The following ELFN1 variants were observed in gnomAD, a reference collection of about 807,000 sequenced individuals.
The protein encoded by ELFN1 is extracellular leucine rich repeat and fibronectin type III domain containing 1.
Under a neutral mutation model 7.6 loss-of-function variants are expected in ELFN1, and 6 were observed. The observed-to-expected ratio is 0.79, with a 90% confidence interval of 0.43 to 1.56. ELFN1 has a LOEUF of 1.56. ELFN1 is among the 40% of genes most tolerant of loss of function. The pLI is 0.01. For synonymous variants in ELFN1, 657 were observed against 588.1 expected (o/e 1.12, Z -1.70); for missense variants, 1,169 against 1,232.2 (o/e 0.95, Z 0.77).
At chr7:1,741,941 T>A (rs1419548130) in intron 3 of ELFN1, among the ~76,000 whole-genome samples, 1 of 152,060 alleles carries the variant, frequency 6.6e-6, no homozygotes, top group African/African-American at 2.4e-5. Context: ...ACCTGCCCTG[T>A]GTACACACCT....
rs1468772796 is a variant in ELFN1, at chr7:1,705,195, G to A, written c.-455-3896G>A. On this transcript the variant is annotated intron_variant, in intron 2 of 3. Transcript: ENST00000424383. The surrounding 1 kb of genome is among the most constrained non-coding windows in gnomAD (Gnocchi z 4.3). ...GGTGGGCAGCATGGAGGTGCAGGGT[G>A]GCAGGGACCCTGGGCGGGGCGGCAC... is the stretch of plus-strand genomic sequence containing the variant. 6.6e-6 allele frequency among the ~76,000 whole-genome samples: 1 copy of A among 152,188 alleles called. No individual in the cohort carries two copies. Among genetic ancestry groups the A allele is most frequent in the Non-Finnish European group, 1.5e-5 (1 of 68,022 alleles).
intron 3 of ELFN1, chr7:1,738,620 G>T (rs1373043581): frequency 6.6e-6 from 1 of 152,018 alleles, no homozygotes; most frequent in African/African-American, 2.4e-5. Context: ...AGTACAAAAG[G>T]AAGTTAATGT....
chr7:1,691,737 G>T (rs907640156), intron 2 of ELFN1, among the ~76,000 whole-genome samples: 2 of 152,184 alleles, frequency 1.3e-5, no homozygotes, highest in East Asian at 3.9e-4. Flanking sequence ...GTGAACCATG[G>T]CCTCCCTGTG....
At chr7:1,723,442 G>C (rs1780085793) in intron 3 of ELFN1, among the ~76,000 whole-genome samples, 1 of 152,216 alleles carries the variant, frequency 6.6e-6, no homozygotes, top group Admixed American at 6.5e-5. Flanking sequence ...TTGCTTGTTG[G>C]CTGGGAGGCG....
chr7:1,682,774 G>C (rs921341667), intron 1 of ELFN1, among the ~76,000 whole-genome samples: 3 of 152,136 alleles, frequency 2.0e-5, no homozygotes, highest in African/African-American at 7.2e-5. Flanking sequence ...TTGAATAGCA[G>C]AGGTGCTTTG....
rs542800579 is a variant in ELFN1 at position 1,685,064 on chromosome 7, C to G, written c.-548-2994C>G. 1.5e-3 allele frequency among the ~76,000 whole-genome samples: 225 copies of G among 152,288 alleles called. 1 individual carries two copies. The highest frequency in any genetic ancestry group is 2.5e-3 in the Non-Finnish European group (169 of 68,006). On this transcript the variant is annotated intron_variant, in intron 1 of 3. Coordinates refer to ENST00000424383, the MANE Select transcript of ELFN1 (RefSeq NM_001128636.4). ...CTAGCCCCAGATTCTTTCAGTTTCT[C>G]TTGATCTGTAATGTTTTTAGTTTGC... is the stretch of plus-strand genomic sequence containing the variant.
intron 3 of ELFN1, among the ~76,000 whole-genome samples, chr7:1,722,157 C>T (rs1252965542): frequency 6.6e-6 from 1 of 152,076 alleles, no homozygotes; most frequent in African/African-American, 2.4e-5. Flanking sequence ...AGTACAGGTG[C>T]TTGGCCCTAC....
chr7:1,682,603 G>C (rs892890083), intron 1 of ELFN1, among the ~76,000 whole-genome samples: 11 of 93,622 alleles, frequency 1.2e-4, no homozygotes, highest in African/African-American at 4.9e-4. Flanking sequence ...ATCATGCCAG[G>C]ATAAATTTTT....
intron 1 of ELFN1, among the ~76,000 whole-genome samples, chr7:1,675,479 A>G (rs1311646270): frequency 6.6e-6 from 1 of 152,216 alleles, no homozygotes; most frequent in Non-Finnish European, 1.5e-5. Flanking sequence ...GTGTTTACCG[A>G]CAGATCCGAG....
Position 1,735,993 on chromosome 7 carries a change from C to T in ELFN1, c.-293-8311C>T, listed in dbSNP as rs1346027891. ...AGAGCCAACACCATCTCCTGGCCCACGATGGTTCTGTGTCCCCTGACGCAG... is the reference window on the plus strand; with the variant it reads ...AGAGCCAACACCATCTCCTGGCCCATGATGGTTCTGTGTCCCCTGACGCAG... On this transcript the variant is annotated intron_variant, in intron 3 of 3. Transcript: ENST00000424383. The surrounding 1 kb of genome is among the most constrained non-coding windows in gnomAD (Gnocchi z 5.9). 1.3e-5 allele frequency among the ~76,000 whole-genome samples: 2 copies of T among 152,146 alleles called. No homozygotes were observed. The highest frequency in any genetic ancestry group is 1.3e-4 in the Admixed American group (2 of 15,278).
rs1028109225 is a variant in ELFN1 at position 1,745,229 on chromosome 7, C to T, written c.633C>T (p.Ala211=). 2 of 1,541,888 alleles carry T rather than the reference C, an allele frequency of 1.3e-6. No individual in the cohort carries two copies. Among genetic ancestry groups the T allele is most frequent in the Non-Finnish European group, 1.7e-6 (2 of 1,146,892 alleles). Residue 211 remains alanine (A), a synonymous_variant, in exon 4 of 4, where the codon GCC becomes GCT. Transcript: ENST00000424383. ...FLRWLAAFTN[A]TQTYDRMQCE... ...GCTGGCTGGCCGCCTTCACCAACGC[C>T]ACACAGACGTACGACCGCATGCAGT...
chr7:1,725,647 A>T (rs1208891039), intron 3 of ELFN1, among the ~76,000 whole-genome samples: 1 of 152,080 alleles, frequency 6.6e-6, no homozygotes, highest in Non-Finnish European at 1.5e-5. Flanking sequence ...CAGCTGTCGG[A>T]CGCCCGCCTG....
chr7:1,680,737 ATTTTTTTT>A, intron 1 of ELFN1, among the ~76,000 whole-genome samples: 1 of 128,908 alleles, frequency 7.8e-6, no homozygotes, highest in East Asian at 2.2e-4. Flanking sequence ...TGGATTTACA[ATTTTTTTT>A]TTTTTTTTTT....
chr7:1,688,813 C>A (rs1173521309), intron 2 of ELFN1, among the ~76,000 whole-genome samples: 5 of 152,072 alleles, frequency 3.3e-5, no homozygotes, highest in Admixed American at 2.6e-4. Context: ...ACAAATATTT[C>A]TCTTGTTACC....
intron 3 of ELFN1, among the ~76,000 whole-genome samples, chr7:1,743,850 G>C (rs945444618): frequency 6.6e-6 from 1 of 152,198 alleles, no homozygotes; most frequent in African/African-American, 2.4e-5. Context: ...CACATCCCTG[G>C]CCGCAGCCAG....
chr7:1,728,767 A>G (rs1036390632), intron 3 of ELFN1, among the ~76,000 whole-genome samples: 1 of 152,212 alleles, frequency 6.6e-6, no homozygotes, highest in Non-Finnish European at 1.5e-5. Context: ...TTTTGTGAGT[A>G]TCAGGAACTG....
chr7:1,680,506 C>T (rs191130751), intron 1 of ELFN1, among the ~76,000 whole-genome samples: 1 of 152,270 alleles, frequency 6.6e-6, no homozygotes, highest in East Asian at 1.9e-4. Flanking sequence ...CTTCTTTTTT[C>T]TTCCTGAGCA....
chr7:1,697,849 A>G (rs147417189), intron 2 of ELFN1, among the ~76,000 whole-genome samples: 2,894 of 152,258 alleles, frequency 0.019, 33 homozygotes, highest in Non-Finnish European at 0.027. Context: ...CAGTGGTGCA[A>G]TCATGGCTCA....
At chr7:1,738,074 T>C (rs1310100126) in intron 3 of ELFN1, among the ~76,000 whole-genome samples, 1 of 152,148 alleles carries the variant, frequency 6.6e-6, no homozygotes, top group Non-Finnish European at 1.5e-5. Context: ...CGCCAGCGGC[T>C]GTGAGTGAAC....
Sources: allele counts gnomAD v4.1 joint callset (sites outside exome capture counted in the v4.1 genomes callset), GRCh38; gene constraint gnomAD v4.1.1; non-coding constraint Gnocchi (gnomAD v3.1); transcripts MANE v1.5; gene names NCBI Gene and HGNC (gene_info 2026-07-23, HGNC 2026-07-21).